The following KIZ variants were observed in gnomAD, a reference collection of about 807,000 sequenced individuals.
KIZ encodes the protein centrosomal protein kizuna.
Under a neutral mutation model 79.6 loss-of-function variants are expected in KIZ, and 68 were observed. The ratio of observed to expected loss-of-function variants is 0.85; its 90% CI spans 0.70 to 1.05. KIZ has a LOEUF of 1.05. Ranked by LOEUF, KIZ falls within the 50% of genes least tolerant of loss-of-function variation. The probability of loss-of-function intolerance (pLI) is 0.00; values close to 1 mark genes in which losing one functional copy is unlikely to be tolerated. For synonymous variants in KIZ, 280 were observed against 281.8 expected, an observed-to-expected ratio of 0.99 and a Z score of 0.06; for missense variants, 797 against 800.4, an observed-to-expected ratio of 1.00 and a Z score of 0.05.
chr20:21,163,386 G>A (rs992080962), intron 6 of KIZ, among the ~76,000 whole-genome samples: 2 of 151,958 alleles, frequency 1.3e-5, no homozygotes, highest in Non-Finnish European at 2.9e-5. Context: ...TTAAAAGTTT[G>A]AATATCATTG....
chr20:21,165,920 CA>C (rs1446787428), intron 6 of KIZ, among the ~76,000 whole-genome samples: 1 of 152,128 alleles, frequency 6.6e-6, no homozygotes, highest in Non-Finnish European at 1.5e-5. Flanking sequence ...CTCAGCCTTA[CA>C]AATAGCTGGG....
intron 6 of KIZ, among the ~76,000 whole-genome samples, chr20:21,188,401 C>T (rs2034970981): frequency 6.6e-6 from 1 of 152,168 alleles, no homozygotes; most frequent in Non-Finnish European, 1.5e-5. Flanking sequence ...CACTGAACTT[C>T]AGCATAAAAA....
intron 6 of KIZ, among the ~76,000 whole-genome samples, chr20:21,185,120 C>T (rs2034820446): frequency 6.6e-6 from 1 of 150,868 alleles, no homozygotes; most frequent in African/African-American, 2.5e-5. Context: ...GCTTTCTGTA[C>T]TTTTATACTG....
Position 21,162,090 on chromosome 20 carries a change from G to C in KIZ, c.625G>C (p.Val209Leu). ...CAGTAATGTGACAGACAGCTGTGTA[G>C]TACAAACTAGTAATGACACACAGTG... ...QSSNVTDSCV[V>L]QTSNDTQCLN... The change falls in exon 5 of 13, where the codon GTA (valine) becomes CTA (leucine). Residue 209 changes from valine to leucine, a missense_variant. Transcript: ENST00000619189. The C allele has an allele frequency of 6.2e-7, 1 of 1,613,698 alleles. No individual in the cohort carries two copies. Among genetic ancestry groups the C allele is most frequent in the South Asian group, 1.1e-5 (1 of 91,054 alleles).
chr20:21,238,197 C>G lies in KIZ; in HGVS notation c.1880+5367C>G, dbSNP rs555352931. Among the ~76,000 whole-genome samples, 246 of 151,980 alleles carry G rather than the reference C, an allele frequency of 1.6e-3. 1 individual carries two copies. Among genetic ancestry groups the G allele is most frequent in the African/African-American group, 5.6e-3 (234 of 41,464 alleles). ...TGAGTGAGTAAGCATGGATATATAG[C>G]TCCACCATTCACTCTAGTTTGTTTT... On this transcript the variant is annotated intron_variant, in intron 11 of 12. Coordinates refer to ENST00000619189, the MANE Select transcript of KIZ (RefSeq NM_018474.6).
At chr20:21,145,721 T>C (rs2032813451) in intron 4 of KIZ, 67 bp downstream of exon 4, 5 of 606,380 alleles carry the variant, frequency 8.2e-6, no homozygotes, top group African/African-American at 3.9e-5. Flanking sequence ...TCTTGAGATA[T>C]TGTTTTAAAT....
intron 6 of KIZ, among the ~76,000 whole-genome samples, chr20:21,181,096 T>C (rs374882545): frequency 6.6e-6 from 1 of 152,250 alleles, no homozygotes; most frequent in South Asian, 2.1e-4. Context: ...TTTTGAGGGC[T>C]GCAGTATGAA....
At chr20:21,167,930 T>TA (rs1429555549) in intron 6 of KIZ, among the ~76,000 whole-genome samples, 1 of 152,190 alleles carries the variant, frequency 6.6e-6, no homozygotes, top group Non-Finnish European at 1.5e-5. Context: ...TTCTTTTTTT[T>TA]ATTATTATAC....
At chr20:21,180,541 G>C (rs1044821682) in intron 6 of KIZ, among the ~76,000 whole-genome samples, 1 of 151,924 alleles carries the variant, frequency 6.6e-6, no homozygotes, top group East Asian at 1.9e-4. Context: ...TCCTACTACG[G>C]GTGTAGCAAA....
At chr20:21,190,003 TTAAC>T (rs1246190491) in intron 6 of KIZ, among the ~76,000 whole-genome samples, 1 of 152,188 alleles carries the variant, frequency 6.6e-6, no homozygotes, top group Non-Finnish European at 1.5e-5. Context: ...AAAATACTGT[TTAAC>T]TATGTATGTG....
intron 6 of KIZ, among the ~76,000 whole-genome samples, chr20:21,169,605 T>C (rs2034112779): frequency 6.6e-6 from 1 of 152,204 alleles, no homozygotes; most frequent in African/African-American, 2.4e-5. Flanking sequence ...TTATAAATCA[T>C]GCTGCTATAA....
intron 1 of KIZ, among the ~76,000 whole-genome samples, chr20:21,130,304 A>G (rs2031761194): frequency 1.3e-5 from 2 of 152,174 alleles, no homozygotes; most frequent in African/African-American, 4.8e-5. Flanking sequence ...TCATTACCAG[A>G]CTGCAGTCGT....
At chr20:21,208,428 A>G (rs949631904) in intron 7 of KIZ, among the ~76,000 whole-genome samples, 7 of 152,198 alleles carry the variant, frequency 4.6e-5, no homozygotes, top group Non-Finnish European at 8.8e-5. Flanking sequence ...AATAGGCTGG[A>G]CGCGGTGGCT....
chr20:21,225,323 C>A (rs536461743), intron 9 of KIZ, among the ~76,000 whole-genome samples: 205 of 152,294 alleles, frequency 1.3e-3, no homozygotes, highest in Non-Finnish European at 2.5e-3. Context: ...CAGAACATTC[C>A]AACCGAAAAT....
At chr20:21,244,328 T>G (rs556132619) in intron 12 of KIZ, 40 bp downstream of exon 12, 1 of 1,439,862 alleles carries the variant, frequency 6.9e-7, no homozygotes, top group South Asian at 1.2e-5. Flanking sequence ...CTTTTTCTGT[T>G]TTAACCAAAA....
chr20:21,130,476 G>A (rs1222990677), intron 1 of KIZ, among the ~76,000 whole-genome samples: 1 of 152,058 alleles, frequency 6.6e-6, no homozygotes, highest in Non-Finnish European at 1.5e-5. Flanking sequence ...TGAAACTCTA[G>A]GGGGGGAATG....
In KIZ at chr20:21,145,649, G is replaced by C. The variant is rs1159265161; in HGVS notation, c.400G>C (p.Glu134Gln). Residue 134 changes from glutamate to glutamine, a missense_variant, in exon 4 of 13, where the codon GAA becomes CAA. Glu to Gln is a conservative substitution (Grantham distance 29, BLOSUM62 2). Coordinates refer to ENST00000619189, the MANE Select transcript of KIZ (RefSeq NM_018474.6). Reference protein sequence around the residue: ...LKEELTDEDREKVAVHEGINS... With the variant: ...LKEELTDEDRQKVAVHEGINS... ...AGAGGAACTGACAGATGAAGACAGA[G>C]AAAAGGTAATAAACTAAATTGGTAA... is the stretch of plus-strand genomic sequence containing the variant. 6.9e-7 allele frequency: 1 copy of C among 1,446,184 alleles called. No individual in the cohort carries two copies. The allele number at this position is 1,446,184 out of a possible 1,614,324, so 89.6% of individuals were successfully genotyped here.
chr20:21,184,358 C>T (rs1338973961), intron 6 of KIZ, among the ~76,000 whole-genome samples: 2 of 152,096 alleles, frequency 1.3e-5, no homozygotes, highest in Non-Finnish European at 2.9e-5. Context: ...ACTGTGTTAG[C>T]CAGGCTGGTC....
At position 21,162,010 on chromosome 20, in the gene KIZ, C is replaced by A. The variant is rs201992227; in HGVS notation, c.545C>A (p.Pro182His). Residue 182 changes from proline (P) to histidine (H), a missense_variant, in exon 5 of 13, where the codon CCC (proline) becomes CAC (histidine). By Grantham distance (77) the Pro-to-His change is moderately conservative (BLOSUM62 -2). Coordinates refer to ENST00000619189, the MANE Select transcript of KIZ (RefSeq NM_018474.6). Reference sequence around the variant, plus strand: ...AGTACAGAGCACAAATCTCCCCAGCCCACAAAGAACTTTTCAATTCCTGAC... The same window carrying A: ...AGTACAGAGCACAAATCTCCCCAGCACACAAAGAACTTTTCAATTCCTGAC... The part of the protein sequence containing the change: ...DFSTEHKSPQ[P>H]TKNFSIPDPH... 834 of 1,613,794 alleles carry A rather than the reference C, an allele frequency of 5.2e-4. 2 individuals are homozygous for A. Among genetic ancestry groups the A allele is most frequent in the Non-Finnish European group, 6.5e-4 (770 of 1,179,878 alleles).
Sources: allele counts gnomAD v4.1 joint callset (sites outside exome capture counted in the v4.1 genomes callset), GRCh38; gene constraint gnomAD v4.1.1; transcripts MANE v1.5; gene names NCBI Gene and HGNC (gene_info 2026-07-23, HGNC 2026-07-21).